Variants in CDH12 observed in about 807,000 individuals in gnomAD.
The protein encoded by CDH12 is cadherin 12.
In CDH12, 41 loss-of-function variants were observed where a neutral mutation model predicts 74.1. That is an observed-to-expected ratio of 0.55 (90% CI 0.43 to 0.72). The LOEUF (loss-of-function observed/expected upper bound fraction) is 0.72, where lower values mean the gene tolerates loss of function less well. Ranked by LOEUF, CDH12 falls within the 30% of genes least tolerant of loss-of-function variation. CDH12 has a pLI of 0.00. For missense variants in CDH12, 945 were observed against 977.2 expected (o/e 0.97, Z 0.44); for synonymous variants, 399 against 355.0 (o/e 1.12, Z -1.39).
intron 3 of CDH12, among the ~76,000 whole-genome samples, chr5:22,391,284 T>A (rs1376386279): frequency 6.6e-6 from 1 of 152,188 alleles, no homozygotes; most frequent in Non-Finnish European, 1.5e-5. Flanking sequence ...GGAAAGTGAT[T>A]GCTCAAAACT....
intron 4 of CDH12, among the ~76,000 whole-genome samples, chr5:22,150,184 G>A (rs976754500): frequency 6.6e-6 from 1 of 151,786 alleles, no homozygotes; most frequent in Non-Finnish European, 1.5e-5. Context: ...AAAAGTTTTG[G>A]TTTTTCCCTT....
At chr5:21,799,188 A>C (rs546256841) in intron 10 of CDH12, among the ~76,000 whole-genome samples, 1 of 152,192 alleles carries the variant, frequency 6.6e-6, no homozygotes, top group Non-Finnish European at 1.5e-5. Flanking sequence ...GTGGCAAAGA[A>C]GTTAGGTGGA....
intron 4 of CDH12, among the ~76,000 whole-genome samples, chr5:22,116,217 A>G (rs1745089490): frequency 6.6e-6 from 1 of 152,140 alleles, no homozygotes; most frequent in Non-Finnish European, 1.5e-5. Context: ...GCAACGGGAA[A>G]AGTTAGAGAG....
At chr5:22,191,985 G>C (rs1750336824) in intron 4 of CDH12, among the ~76,000 whole-genome samples, 1 of 152,094 alleles carries the variant, frequency 6.6e-6, no homozygotes, top group Non-Finnish European at 1.5e-5. Flanking sequence ...TCCCAGGCTG[G>C]AGTGCAGTGG....
intron 11 of CDH12, among the ~76,000 whole-genome samples, chr5:21,770,320 A>C (rs775412386): frequency 6.6e-6 from 1 of 152,168 alleles, no homozygotes; most frequent in East Asian, 1.9e-4. Flanking sequence ...TCTCTTTGGA[A>C]TAACTATAAG....
intron 1 of CDH12, among the ~76,000 whole-genome samples, chr5:22,563,355 C>T (rs1390915942): frequency 2.0e-5 from 3 of 151,980 alleles, no homozygotes; most frequent in Non-Finnish European, 4.4e-5. Context: ...TTTTCAAATA[C>T]CTGTTTGGCA....
chr5:22,833,961 A>G (rs1736720488), intron 1 of CDH12, among the ~76,000 whole-genome samples: 2 of 152,136 alleles, frequency 1.3e-5, no homozygotes, highest in South Asian at 2.1e-4. Context: ...CTTTGTTTTG[A>G]ACCAAAGGAC....
intron 4 of CDH12, among the ~76,000 whole-genome samples, chr5:22,190,907 C>T (rs1750236185): frequency 6.6e-6 from 1 of 152,248 alleles, no homozygotes; most frequent in African/African-American, 2.4e-5. Context: ...GTTCACTTTT[C>T]TCTTTAAATG....
chr5:22,066,401 G>A (rs1039486262), intron 5 of CDH12, among the ~76,000 whole-genome samples: 5 of 152,064 alleles, frequency 3.3e-5, no homozygotes, highest in Admixed American at 6.6e-5. Flanking sequence ...TCAGACCTTT[G>A]GGGGACTACT....
chr5:22,227,588 T>G (rs2150372785), intron 3 of CDH12, among the ~76,000 whole-genome samples: 1 of 152,272 alleles, frequency 6.6e-6, no homozygotes, highest in Admixed American at 6.5e-5. Context: ...TTGAGAAAAT[T>G]ATCTTGCATG....
chr5:22,090,250 G>A, intron 4 of CDH12, among the ~76,000 whole-genome samples: 1 of 151,586 alleles, frequency 6.6e-6, no homozygotes, highest in Non-Finnish European at 1.5e-5. Context: ...CAAATACCAT[G>A]AACAACTTTA....
chr5:22,192,584 G>GGT (rs1436808712), intron 4 of CDH12, among the ~76,000 whole-genome samples: 1 of 151,620 alleles, frequency 6.6e-6, no homozygotes, highest in East Asian at 1.9e-4. Flanking sequence ...CACCATTAGG[G>GGT]GTGTGTGTGT....
chr5:21,883,085 T>C, intron 6 of CDH12: 2 of 1,606,810 alleles, frequency 1.2e-6, no homozygotes, highest in Non-Finnish European at 1.7e-6. Context: ...TGACCACCCC[T>C]GAAGAAATTG....
intron 3 of CDH12, among the ~76,000 whole-genome samples, chr5:22,216,993 C>A (rs1293401167): frequency 2.0e-5 from 3 of 151,698 alleles, no homozygotes; most frequent in Non-Finnish European, 4.4e-5. Context: ...CTACCTAATT[C>A]AGAAATAATC....
chr5:22,604,560 T>A (rs1442601352), intron 1 of CDH12, among the ~76,000 whole-genome samples: 1 of 152,130 alleles, frequency 6.6e-6, no homozygotes, highest in Non-Finnish European at 1.5e-5. Flanking sequence ...AAGAGAGAAA[T>A]CAGCATCACT....
At chr5:22,115,947 A>C (rs1000913311) in intron 4 of CDH12, among the ~76,000 whole-genome samples, 7 of 151,926 alleles carry the variant, frequency 4.6e-5, no homozygotes, top group African/African-American at 1.7e-4. Flanking sequence ...GGCTTGGCCT[A>C]GGAAAGTGCT....
intron 3 of CDH12, among the ~76,000 whole-genome samples, chr5:22,224,007 G>A (rs1230694480): frequency 6.6e-6 from 1 of 151,924 alleles, no homozygotes; most frequent in Admixed American, 6.6e-5. Context: ...GGGAACACAG[G>A]GATCCTGCCA....
intron 6 of CDH12, among the ~76,000 whole-genome samples, chr5:21,870,954 A>C (rs1751585765): frequency 6.6e-6 from 1 of 151,990 alleles, no homozygotes; most frequent in South Asian, 2.1e-4. Context: ...CTGGTTTCAC[A>C]CTCCTAGGAT....
intron 5 of CDH12, among the ~76,000 whole-genome samples, chr5:22,060,297 A>T (rs1741100284): frequency 6.6e-6 from 1 of 150,812 alleles, no homozygotes; most frequent in Non-Finnish European, 1.5e-5. Flanking sequence ...GGAGGGGAAC[A>T]TCACACACTG....
Sources: gnomAD v4.1 joint callset for allele counts (sites outside exome capture counted in the v4.1 genomes callset) on GRCh38, gnomAD v4.1.1 for gene constraint, MANE v1.5 for transcripts, NCBI Gene and HGNC (gene_info 2026-07-23, HGNC 2026-07-21) for gene names.